The following BCL2L13 variants were observed in gnomAD, a reference collection of about 807,000 sequenced individuals.
The protein encoded by BCL2L13 is bcl-2-like protein 13.
A neutral mutation model predicts 25.8 loss-of-function variants in BCL2L13; 13 were observed. That is an observed-to-expected ratio of 0.50 (90% confidence interval 0.33 to 0.80). The LOEUF (loss-of-function observed/expected upper bound fraction) is 0.80, where lower values mean the gene tolerates loss of function less well. BCL2L13 is among the 30% of genes least tolerant of loss of function. The probability of loss-of-function intolerance (pLI) is 0.02; values close to 1 mark genes in which losing one functional copy is unlikely to be tolerated. For synonymous variants in BCL2L13, 244 were observed against 230.3 expected (o/e 1.06, Z -0.54); for missense variants, 504 against 574.9 (o/e 0.88, Z 1.26).
At chr22:17,697,867 C>T (rs1018457902) in intron 5 of BCL2L13, among the ~76,000 whole-genome samples, 4 of 152,078 alleles carry the variant, frequency 2.6e-5, no homozygotes, top group African/African-American at 7.2e-5. Flanking sequence ...CTAACTCTGT[C>T]GCCCAGGCCA....
intron 2 of BCL2L13, among the ~76,000 whole-genome samples, chr22:17,674,728 G>A (rs1210920725): frequency 6.6e-6 from 1 of 152,088 alleles, no homozygotes; most frequent in African/African-American, 2.4e-5. Context: ...AGCTCAAGGG[G>A]TCTTCCTGCC....
intron 2 of BCL2L13, among the ~76,000 whole-genome samples, chr22:17,669,969 CTA>C (rs1188604320): frequency 1.3e-5 from 2 of 152,176 alleles, no homozygotes; most frequent in Non-Finnish European, 2.9e-5. Context: ...AGAAAATGGA[CTA>C]ATACACATGG....
At chr22:17,715,139 TATATATATATATATATATATA>T (rs2060883067) in intron 6 of BCL2L13, among the ~76,000 whole-genome samples, 2 of 3,198 alleles carry the variant, frequency 6.3e-4, no homozygotes, top group Non-Finnish European at 1.2e-3. Flanking sequence ...TATATATATA[TATATATATATATATATATATA>T]TATATATATA....
Position 17,643,684 on chromosome 22 carries a change from G to C in BCL2L13, c.-51+4798G>C, listed in dbSNP as rs181322043. On this transcript the variant is annotated intron_variant, in intron 1 of 6. Coordinates refer to ENST00000317582, the MANE Select transcript of BCL2L13 (RefSeq NM_015367.4). ...ACTCTGTCGCCCAGACTGGAGTGCA[G>C]TGGTGCGATCTCGGCTCACTGCACG... Among the ~76,000 whole-genome samples, 267 of 152,238 alleles carry C rather than the reference G, an allele frequency of 1.8e-3. 3 individuals carry two copies. The highest frequency in any genetic ancestry group is 5.9e-3 in the African/African-American group (245 of 41,558).
intron 4 of BCL2L13, 96 bp downstream of exon 4, chr22:17,689,238 G>A: frequency 9.5e-7 from 1 of 1,053,066 alleles, no homozygotes; most frequent in Non-Finnish European, 1.3e-6. Flanking sequence ...TAGGTGAACA[G>A]TGTCACTTCT....
Position 17,655,945 on chromosome 22 carries a change from A to G in BCL2L13, c.121+113A>G, listed in dbSNP as rs557376170. On this transcript the variant is annotated intron_variant, in intron 2 of 6. Coordinates refer to ENST00000317582, the MANE Select transcript of BCL2L13 (RefSeq NM_015367.4). ...TATCAAATAGTACTAATAAGCCTGT[A>G]AGAATAACCTGTTAGGGCTGGGCGC... 1.2e-4 allele frequency: 139 copies of G among 1,126,710 alleles called. No individual in the cohort carries two copies. The Middle Eastern group carries it at 3.1e-3, about 26-fold the overall frequency. 69.8% of individuals were successfully genotyped at this position (1,126,710 alleles called of 1,614,324 possible). A position where few individuals can be genotyped will look rare whatever the true frequency, so the allele number is the denominator to read the frequency against.
exon 1 of BCL2L13, chr22:17,628,965 T>C (rs780596607): frequency 1.7e-5 from 7 of 408,736 alleles, no homozygotes; most frequent in Non-Finnish European, 1.8e-5. Flanking sequence ...GGAGTTCCTC[T>C]ATCTGAAATT....
chr22:17,706,737 C>G, intron 6 of BCL2L13: 2 of 1,351,976 alleles, frequency 1.5e-6, no homozygotes, highest in Non-Finnish European at 2.0e-6. Context: ...TTGCTCCCTC[C>G]CTCCTCATTC....
chr22:17,680,511 CAAAAAAAAAAAAA>C lies in BCL2L13; in HGVS notation c.122-2685_122-2673del, dbSNP rs770410371. 3.7e-4 allele frequency among the ~76,000 whole-genome samples: 5 copies of C among 13,364 alleles called. No individual in the cohort carries two copies. In the East Asian group the frequency reaches 0.018, roughly 47 times the overall value. 8.8% of individuals were successfully genotyped at this position (13,364 alleles called of 152,430 possible). ...CCTGGGAGAGAGCGAGACTCTGTCT[CAAAAAAAAAAAAA>C]AAAAAAAAAAAAAAAAAGAAAAAAA... On this transcript the variant is annotated intron_variant, in intron 2 of 6. Coordinates refer to ENST00000317582, the MANE Select transcript of BCL2L13 (RefSeq NM_015367.4).
rs1453794690 is a variant in BCL2L13 at position 17,644,997 on chromosome 22, G to C, written c.-51+6111G>C. On this transcript the variant is annotated intron_variant, in intron 1 of 6. Coordinates refer to ENST00000317582, the MANE Select transcript of BCL2L13 (RefSeq NM_015367.4). ...GCTAATTTTTTGTATTTTTAGTAGAGACGAGGTTTCACCATGTTGGCCAGG... is the reference window on the plus strand; with the variant it reads ...GCTAATTTTTTGTATTTTTAGTAGACACGAGGTTTCACCATGTTGGCCAGG... Among the ~76,000 whole-genome samples the C allele has an allele frequency of 3.4e-5, 5 of 149,146 alleles. 1 individual carries two copies. The highest frequency in any genetic ancestry group is 1.3e-4 in the African/African-American group (5 of 39,596).
At chr22:17,674,617 A>G (rs2059522355) in intron 2 of BCL2L13, among the ~76,000 whole-genome samples, 1 of 151,154 alleles carries the variant, frequency 6.6e-6, no homozygotes, top group Admixed American at 6.6e-5. Flanking sequence ...AAAAAAAAAA[A>G]AAAAAGAAAG....
At position 17,644,574 on chromosome 22, in the gene BCL2L13, C is replaced by T. The variant is rs550964373; in HGVS notation, c.-51+5688C>T. On this transcript the variant is annotated intron_variant, in intron 1 of 6. Transcript: ENST00000317582. ...CTCAATCTCTTGACCTCGTGATCCG[C>T]CTGCCTTGGCCTTCCAAAGTGCTGG... 2.5e-3 allele frequency among the ~76,000 whole-genome samples: 373 copies of T among 151,400 alleles called. 3 individuals are homozygous for T. Among genetic ancestry groups the T allele is most frequent in the Admixed American group, 4.6e-3 (70 of 15,234 alleles).
chr22:17,708,212 A>G lies in BCL2L13; in HGVS notation c.600+5826A>G, dbSNP rs1272219627. On this transcript the variant is annotated intron_variant, in intron 6 of 6. Coordinates refer to ENST00000317582, the MANE Select transcript of BCL2L13 (RefSeq NM_015367.4). ...TGCATGTATCTGTGTGTTTGCTTGA[A>G]AAAAAACACCAAGTATAACATGTTC... is the stretch of plus-strand genomic sequence containing the variant. 2.0e-5 allele frequency among the ~76,000 whole-genome samples: 3 copies of G among 152,164 alleles called. No individual in the cohort carries two copies. In the East Asian group the frequency reaches 5.8e-4, roughly 29 times the overall value.
At chr22:17,640,715 A>AT (rs869256686) in intron 1 of BCL2L13, among the ~76,000 whole-genome samples, 1 of 150,286 alleles carries the variant, frequency 6.7e-6, no homozygotes, top group African/African-American at 2.4e-5. Context: ...AAAAAAAAAA[A>AT]TTAGCCAGGC....
At chr22:17,661,227 G>A (rs1295018760) in intron 2 of BCL2L13, among the ~76,000 whole-genome samples, 4 of 145,434 alleles carry the variant, frequency 2.8e-5, no homozygotes, top group Non-Finnish European at 6.3e-5. Flanking sequence ...CAAGTAGCTG[G>A]GATTACAGGC....
At chr22:17,652,543 A>G (rs1041044703) in intron 1 of BCL2L13, among the ~76,000 whole-genome samples, 6 of 152,002 alleles carry the variant, frequency 3.9e-5, no homozygotes, top group Non-Finnish European at 7.4e-5. Flanking sequence ...GGTTCAAGCA[A>G]TTCTCCTGTC....
At chr22:17,726,255 G>C (rs961849860) in intron 6 of BCL2L13, among the ~76,000 whole-genome samples, 6 of 151,534 alleles carry the variant, frequency 4.0e-5, no homozygotes, top group African/African-American at 1.5e-4. Context: ...GAAGGCCGAA[G>C]CAGGAGAATC....
At chr22:17,630,046 CCA>C (rs372363907) in intron 1 of BCL2L13, among the ~76,000 whole-genome samples, 305 of 151,922 alleles carry the variant, frequency 2.0e-3, no homozygotes, top group African/African-American at 6.3e-3. Flanking sequence ...TGGAGAAACC[CCA>C]GTCTCTACTA....
chr22:17,690,047 A>G (rs1028298924), intron 4 of BCL2L13, among the ~76,000 whole-genome samples: 4 of 151,750 alleles, frequency 2.6e-5, no homozygotes, highest in African/African-American at 7.3e-5. Flanking sequence ...ATCATTTATT[A>G]TAAATATTAA....
Sources: allele counts gnomAD v4.1 joint callset (sites outside exome capture counted in the v4.1 genomes callset), GRCh38; gene constraint gnomAD v4.1.1; transcripts MANE v1.5; gene names NCBI Gene and HGNC (gene_info 2026-07-23, HGNC 2026-07-21).